Variants in ITGB8 observed in about 807,000 individuals in gnomAD.
ITGB8 encodes the protein integrin beta-8.
A neutral mutation model predicts 89.5 loss-of-function variants in ITGB8; 30 were observed. The observed-to-expected ratio is 0.34, with a 90% confidence interval of 0.25 to 0.45. The LOEUF (loss-of-function observed/expected upper bound fraction) is 0.45, where lower values mean the gene tolerates loss of function less well. Among genes scored for constraint, ITGB8 ranks in the 20% least tolerant of loss-of-function variants. ITGB8 has a pLI of 1.00. For missense variants in ITGB8, 836 were observed against 933.3 expected, an observed-to-expected ratio of 0.90 and a Z score of 1.36; for synonymous variants, 335 against 320.4, an observed-to-expected ratio of 1.05 and a Z score of -0.49.
chr7:20,332,056 G>T (rs1390466141), intron 1 of ITGB8, 123 bp downstream of exon 1: 4 of 1,470,602 alleles, frequency 2.7e-6, no homozygotes, highest in Admixed American at 4.6e-5. Context: ...CTTCAAGGGG[G>T]CGGGTGCGGG....
chr7:20,349,353 C>T (rs142501786), intron 1 of ITGB8, among the ~76,000 whole-genome samples: 40 of 151,446 alleles, frequency 2.6e-4, no homozygotes, highest in African/African-American at 9.0e-4. Flanking sequence ...GAAGTAATTG[C>T]GGTTTTTGAC....
chr7:20,332,171 T>G, intron 1 of ITGB8: 2 of 915,342 alleles, frequency 2.2e-6, no homozygotes, highest in East Asian at 3.0e-5. Flanking sequence ...GTGTTACTCC[T>G]AGGTGTTGAG....
intron 8 of ITGB8, among the ~76,000 whole-genome samples, chr7:20,396,164 C>T (rs573581676): frequency 9.8e-4 from 149 of 152,176 alleles, no homozygotes; most frequent in Non-Finnish European, 1.7e-3. Flanking sequence ...TTAGGCCGGG[C>T]GCGGTGGTTC....
At chr7:20,408,843 CACA>C (rs1404231127) in intron 12 of ITGB8, among the ~76,000 whole-genome samples, 2 of 152,134 alleles carry the variant, frequency 1.3e-5, no homozygotes, top group East Asian at 3.9e-4. Context: ...CTCCTCTTAA[CACA>C]ACATTTCTTT....
chr7:20,378,546 G>A (rs1236760975), intron 3 of ITGB8, among the ~76,000 whole-genome samples: 1 of 152,298 alleles, frequency 6.6e-6, no homozygotes, highest in Admixed American at 6.5e-5. Context: ...CTCATCTCCT[G>A]TGTAAATACA....
chr7:20,385,395 C>T (rs1187960621), intron 6 of ITGB8, among the ~76,000 whole-genome samples: 2 of 152,176 alleles, frequency 1.3e-5, no homozygotes, highest in African/African-American at 2.4e-5. Flanking sequence ...TTTTTCCATG[C>T]AGCCTTTTAT....
intron 3 of ITGB8, among the ~76,000 whole-genome samples, chr7:20,370,115 G>A (rs1054902720): frequency 4.0e-5 from 6 of 151,456 alleles, no homozygotes; most frequent in African/African-American, 1.5e-4. Flanking sequence ...ATGCAAAATA[G>A]GAAAAAAAGA....
Position 20,410,526 on chromosome 7 carries a change from A to T in ITGB8, c.*529A>T, listed in dbSNP as rs1007259201. The T allele has an allele frequency of 6.5e-6, 1 of 153,002 alleles. No individual in the cohort carries two copies. Among genetic ancestry groups the T allele is most frequent in the Non-Finnish European group, 1.5e-5 (1 of 68,640 alleles). 9.5% of individuals were successfully genotyped at this position (153,002 alleles called of 1,614,324 possible). ...TCGTGTTTCACTCTTTCAAGAGGTG[A>T]ACAGATACAACCTTAATCTTAAAAG... is the stretch of plus-strand genomic sequence containing the variant. On this transcript the variant is annotated 3_prime_UTR_variant, in exon 14 of 14. Coordinates refer to ENST00000222573, the MANE Select transcript of ITGB8 (RefSeq NM_002214.3).
At chr7:20,387,184 T>C (rs1786659740) in intron 6 of ITGB8, among the ~76,000 whole-genome samples, 1 of 152,166 alleles carries the variant, frequency 6.6e-6, no homozygotes, top group Non-Finnish European at 1.5e-5. Context: ...AACATTCCAG[T>C]GAAATGTAGA....
In ITGB8 at chr7:20,381,800, T is replaced by C; in HGVS notation, c.875T>C (p.Leu292Pro). 1.9e-6 allele frequency: 3 copies of C among 1,614,162 alleles called. No homozygotes were observed. The highest frequency in any genetic ancestry group is 2.5e-6 in the Non-Finnish European group (3 of 1,179,992). Residue 292 changes from leucine (L) to proline (P), a missense_variant, in exon 6 of 14, where the codon CTT (leucine) becomes CCT (proline). Leu to Pro is a moderately conservative substitution (Grantham distance 98). Transcript: ENST00000222573. ...VMTDQTSHLA[L>P]DSKLAGIVVP... ...ACAGATCAGACGTCTCATCTCGCTC[T>C]TGATAGCAAATTGGCAGGCATAGTG...
chr7:20,408,396 A>G (rs1787632132), intron 12 of ITGB8, among the ~76,000 whole-genome samples: 2 of 150,340 alleles, frequency 1.3e-5, no homozygotes, highest in Admixed American at 6.6e-5. Flanking sequence ...AAAAAAAAAA[A>G]TAGGCTTAAT....
intron 1 of ITGB8, among the ~76,000 whole-genome samples, chr7:20,341,469 C>T (rs1157934087): frequency 2.0e-5 from 3 of 152,154 alleles, no homozygotes; most frequent in East Asian, 1.9e-4. Flanking sequence ...GAGAGCCTGA[C>T]GTCAGGTTGA....
rs542396998 is a variant in ITGB8, at chr7:20,350,251, G to A, written c.128-13386G>A. 9.9e-5 allele frequency among the ~76,000 whole-genome samples: 15 copies of A among 152,240 alleles called. No individual in the cohort carries two copies. In the South Asian group the frequency reaches 1.0e-3, roughly 11 times the overall value. ...CAACCTCCACCTCTCAGGTTGAAGC[G>A]ATTCTCCTGCCTCAGCCTCCTGAGT... is the stretch of plus-strand genomic sequence containing the variant. On this transcript the variant is annotated intron_variant, in intron 1 of 13. Transcript: ENST00000222573.
chr7:20,389,095 A>T (rs780046428), intron 6 of ITGB8, among the ~76,000 whole-genome samples: 2 of 152,150 alleles, frequency 1.3e-5, no homozygotes, highest in Non-Finnish European at 2.9e-5. Context: ...ATTGAAATGC[A>T]TGTGTCTTTA....
intron 1 of ITGB8, among the ~76,000 whole-genome samples, chr7:20,335,999 T>TC (rs777322344): frequency 4.8e-4 from 49 of 101,176 alleles, no homozygotes; most frequent in African/African-American, 1.9e-3. Flanking sequence ...GTCTTGGTTT[T>TC]CTTTTTTTTT....
intron 1 of ITGB8, among the ~76,000 whole-genome samples, chr7:20,351,847 A>G (rs1785123592): frequency 6.6e-6 from 1 of 151,396 alleles, no homozygotes; most frequent in Non-Finnish European, 1.5e-5. Flanking sequence ...AACCTCCTTA[A>G]CCATGGCATT....
chr7:20,400,998 A>G (rs568484579), intron 9 of ITGB8, among the ~76,000 whole-genome samples: 1 of 152,082 alleles, frequency 6.6e-6, no homozygotes, highest in Non-Finnish European at 1.5e-5. Context: ...TTTTTGAGAT[A>G]GAGTCTCGCT....
At position 20,414,647 on chromosome 7, in the gene ITGB8, T is replaced by G. The variant is rs1389376696; in HGVS notation, c.*4650T>G. ...AGTCCTCTTACTTTTTATTCTTCTT[T>G]ATCATTTGTGGGTTTTTCCCCCTTG... On this transcript the variant is annotated 3_prime_UTR_variant, in exon 14 of 14. Coordinates refer to ENST00000222573, the MANE Select transcript of ITGB8 (RefSeq NM_002214.3). 1 of 152,596 alleles carries G rather than the reference T, an allele frequency of 6.6e-6. No homozygotes were observed. The highest frequency in any genetic ancestry group is 1.5e-5 in the Non-Finnish European group (1 of 68,006). 9.5% of individuals were successfully genotyped at this position (152,596 alleles called of 1,614,324 possible).
At chr7:20,396,404 G>C (rs1787080809) in intron 8 of ITGB8, among the ~76,000 whole-genome samples, 1 of 151,068 alleles carries the variant, frequency 6.6e-6, no homozygotes, top group South Asian at 2.1e-4. Context: ...CTGCACTCCA[G>C]CCTGGGCGAC....
Sources: allele counts gnomAD v4.1 joint callset (sites outside exome capture counted in the v4.1 genomes callset), GRCh38; gene constraint gnomAD v4.1.1; transcripts MANE v1.5; gene names NCBI Gene and HGNC (gene_info 2026-07-23, HGNC 2026-07-21).